Variants in ENTPD1 observed in about 807,000 individuals in gnomAD.
ENTPD1 encodes the protein ectonucleoside triphosphate diphosphohydrolase 1.
ENTPD1 carries 33 observed loss-of-function variants against 57.0 expected under a neutral mutation model. The observed-to-expected ratio is 0.58, with a 90% CI of 0.44 to 0.77. ENTPD1 has a LOEUF of 0.77. Among genes scored for constraint, ENTPD1 ranks in the 30% least tolerant of loss-of-function variants. The probability of loss-of-function intolerance (pLI) is 0.00; values close to 1 mark genes in which losing one functional copy is unlikely to be tolerated. For synonymous variants in ENTPD1, 202 were observed against 218.8 expected, an observed-to-expected ratio of 0.92 and a Z score of 0.68; for missense variants, 501 against 603.4, an observed-to-expected ratio of 0.83 and a Z score of 1.78.
At position 95,867,423 on chromosome 10, in the gene ENTPD1, C is replaced by T. The variant is rs2098475682; in HGVS notation, c.*1040C>T. 35 of 985,436 alleles carry T rather than the reference C, an allele frequency of 3.6e-5. No homozygotes were observed. The highest frequency in any genetic ancestry group is 9.4e-5 in the South Asian group (2 of 21,290). The allele number at this position is 985,436 out of a possible 1,614,324, so 61.0% of individuals were successfully genotyped here. ...TTGTGTTTACAGCTATGGAAACCAA[C>T]TGTACCATAAAGATAGTTCACTGAG... On this transcript the variant is annotated 3_prime_UTR_variant, in exon 10 of 10. Transcript: ENST00000371205.
intron 1 of ENTPD1, among the ~76,000 whole-genome samples, chr10:95,816,055 G>A (rs959979823): frequency 1.3e-5 from 2 of 152,114 alleles, no homozygotes; most frequent in African/African-American, 2.4e-5. Context: ...TTCCTTTTCC[G>A]GTGGAGTGCT....
chr10:95,859,362 G>T (rs2098461356), intron 7 of ENTPD1, among the ~76,000 whole-genome samples: 1 of 152,060 alleles, frequency 6.6e-6, no homozygotes, highest in African/African-American at 2.4e-5. Context: ...TTACACTTTG[G>T]GAATCACATT....
chr10:95,828,745 T>C (rs1427846011), intron 2 of ENTPD1, among the ~76,000 whole-genome samples: 1 of 150,500 alleles, frequency 6.6e-6, no homozygotes, highest in Non-Finnish European at 1.5e-5. Flanking sequence ...AGTTTTGCTC[T>C]TGTTGCCCAG....
upstream of ENTPD1, chr10:95,755,863 T>G: frequency 6.6e-7 from 1 of 1,518,310 alleles, no homozygotes; most frequent in Non-Finnish European, 8.8e-7. Flanking sequence ...AAAAAGGGAT[T>G]TCTATAACGA....
exon 1 of ENTPD1, chr10:95,711,970 A>G (rs1369638881): frequency 6.2e-7 from 1 of 1,613,468 alleles, no homozygotes; most frequent in Non-Finnish European, 8.5e-7. Context: ...AAGGGAACCA[A>G]GGACCTGACA....
In ENTPD1 at chr10:95,756,209, G is replaced by T; in HGVS notation, c.-31G>T. On this transcript the variant is annotated 5_prime_UTR_variant, in exon 1 of 10. It adds an upstream start codon to the 5' untranslated region. Transcript: ENST00000371205. The stretch of plus-strand genomic sequence containing the variant: ...CAGAGGCTGGGGGGGGGAAAGACGA[G>T]GAAAGAGGAGGAAAACAAAAGCTGC... The T allele has an allele frequency of 6.3e-7, 1 of 1,586,716 alleles. No homozygotes were observed. Among genetic ancestry groups the T allele is most frequent in the Non-Finnish European group, 8.6e-7 (1 of 1,165,966 alleles).
intron 7 of ENTPD1, among the ~76,000 whole-genome samples, chr10:95,858,440 G>A (rs3897983): frequency 0.031 from 4,732 of 152,204 alleles, 229 homozygotes; most frequent in African/African-American, 0.1. Context: ...GCCACCAAAG[G>A]TTTTAAGCAG....
chr10:95,799,510 G>A (rs958081279), intron 1 of ENTPD1, among the ~76,000 whole-genome samples: 1 of 152,230 alleles, frequency 6.6e-6, no homozygotes, highest in Middle Eastern at 3.4e-3. Flanking sequence ...ATTCTGTGGT[G>A]TATATGTACC....
At chr10:95,855,600 C>A (rs2098453135) in intron 7 of ENTPD1, among the ~76,000 whole-genome samples, 2 of 152,072 alleles carry the variant, frequency 1.3e-5, no homozygotes, top group African/African-American at 4.8e-5. Flanking sequence ...ATGTTTAGTG[C>A]TTCCTTCAGG....
rs67253264 is a variant in ENTPD1, at chr10:95,859,847, A to AT, written c.1075-613dup. The stretch of plus-strand genomic sequence containing the variant: ...AGAATTTAGAGGTCATTTTAATAGA[A>AT]TTTTTTTTTGTTTTACTGATTTGAA... On this transcript the variant is annotated intron_variant, in intron 7 of 9. Transcript: ENST00000371205. 1.4e-4 allele frequency among the ~76,000 whole-genome samples: 21 copies of AT among 151,842 alleles called. No individual in the cohort carries two copies. In the East Asian group the frequency reaches 2.7e-3, roughly 20 times the overall value.
chr10:95,764,265 A>G lies in ENTPD1; in HGVS notation c.16+8010A>G, dbSNP rs534353501. On this transcript the variant is annotated intron_variant, in intron 1 of 9. Transcript: ENST00000371205. ...CATTTCATAGCATATATCCCATTGA[A>G]TGTATATACCACATTTTATTCATCA... Among the ~76,000 whole-genome samples the G allele has an allele frequency of 2.0e-5, 3 of 152,320 alleles. No individual in the cohort carries two copies. The South Asian group carries it at 6.2e-4, about 32-fold the overall frequency.
At position 95,874,703 on chromosome 10, in the gene ENTPD1, T is replaced by G. The variant is rs1366682154; in HGVS notation, c.*8320T>G. 6.6e-6 allele frequency among the ~76,000 whole-genome samples: 1 copy of G among 152,256 alleles called. No homozygotes were observed. Among genetic ancestry groups the G allele is most frequent in the East Asian group, 1.9e-4 (1 of 5,204 alleles). On this transcript the variant is annotated 3_prime_UTR_variant, in exon 10 of 10. Coordinates refer to ENST00000371205, the MANE Select transcript of ENTPD1 (RefSeq NM_001776.6). ...ACACTGCCCTAGGAGAGGTTCCCCA[T>G]GAGGGCTCTGCCCCTGCAGCAAACT...
At position 95,876,425 on chromosome 10, in the gene ENTPD1, T is replaced by G. The variant is rs1178190186; in HGVS notation, c.*10042T>G. ...ATCATAATGTTCCCTTTCTCCTCGGTTCTGCAATCTATAGGCATACCATAA... is the reference window on the plus strand; with the variant it reads ...ATCATAATGTTCCCTTTCTCCTCGGGTCTGCAATCTATAGGCATACCATAA... On this transcript the variant is annotated 3_prime_UTR_variant, in exon 10 of 10. Transcript: ENST00000371205. The G allele has an allele frequency of 1.6e-6, 2 of 1,231,280 alleles. No individual in the cohort carries two copies. The highest frequency in any genetic ancestry group is 3.1e-5 in the African/African-American group (2 of 64,412). The allele number at this position is 1,231,280 out of a possible 1,614,324, so 76.3% of individuals were successfully genotyped here. A position where few individuals can be genotyped will look rare whatever the true frequency, so the allele number is the denominator to read the frequency against.
At position 95,845,474 on chromosome 10, in the gene ENTPD1, G is replaced by A. The variant is rs754284810; in HGVS notation, c.691G>A (p.Glu231Lys). ...TTTTGTACCCCAAAACCAGACTATC[G>A]AGTCCCCAGATAATGCTCTGCAATT... is the stretch of plus-strand genomic sequence containing the variant. ...VTFVPQNQTI[E>K]SPDNALQFRL... is the part of the protein sequence containing the mutation. The change falls in exon 6 of 10, where the codon GAG becomes AAG. Residue 231 changes from glutamate to lysine, a missense_variant. Transcript: ENST00000371205. The A allele has an allele frequency of 2.0e-5, 33 of 1,614,012 alleles. No individual in the cohort carries two copies. The East Asian group carries it at 5.3e-4, about 26-fold the overall frequency.
At chr10:95,709,890 GC>G (rs201235689), upstream of ENTPD1, among the ~76,000 whole-genome samples, 20 of 149,374 alleles carry the variant, frequency 1.3e-4, no homozygotes, top group South Asian at 1.3e-3. Flanking sequence ...CTTAGCCCCG[GC>G]CCCCCCCACC....
rs1211834267 is a variant in ENTPD1 at position 95,717,520 on chromosome 10, T to C, written c.37+5527T>C. On this transcript the variant is annotated intron_variant, in intron 1 of 9. Coordinates refer to the ENTPD1 transcript ENST00000453258. ...TATATGATTTGACTCTTTCTTTACC[T>C]CCTGCTTTAGCCTAATTTGTATTCT... Among the ~76,000 whole-genome samples the C allele has an allele frequency of 2.0e-5, 3 of 152,158 alleles. No homozygotes were observed. In the East Asian group the frequency reaches 5.8e-4, roughly 29 times the overall value.
chr10:95,770,252 A>AGTGTGTGTGT (rs1286103838), intron 1 of ENTPD1, among the ~76,000 whole-genome samples: 3 of 115,346 alleles, frequency 2.6e-5, no homozygotes, highest in Non-Finnish European at 5.2e-5. Context: ...AGAGTGAGTG[A>AGTGTGTGTGT]GTGAGTGTGT....
At chr10:95,760,349 T>A (rs1029465152) in intron 1 of ENTPD1, among the ~76,000 whole-genome samples, 1 of 152,160 alleles carries the variant, frequency 6.6e-6, no homozygotes, top group Non-Finnish European at 1.5e-5. Flanking sequence ...GAAGATCTTT[T>A]CTCTCTTTTA....
At chr10:95,802,244 G>C (rs975378612) in intron 1 of ENTPD1, among the ~76,000 whole-genome samples, 2 of 152,184 alleles carry the variant, frequency 1.3e-5, no homozygotes, top group Non-Finnish European at 2.9e-5. Flanking sequence ...AATTGCTTGA[G>C]TTTGTCAAAA....
Sources: gnomAD v4.1 joint callset for allele counts (sites outside exome capture counted in the v4.1 genomes callset) on GRCh38, gnomAD v4.1.1 for gene constraint, MANE v1.5 for transcripts, NCBI Gene and HGNC (gene_info 2026-07-23, HGNC 2026-07-21) for gene names.